Variants in PLCE1 observed in about 807,000 individuals in gnomAD.
The protein encoded by PLCE1 is 1-phosphatidylinositol 4,5-bisphosphate phosphodiesterase epsilon-1.
A neutral mutation model predicts 242.8 loss-of-function variants in PLCE1; 119 were observed. That is an observed-to-expected ratio of 0.49 (90% confidence interval 0.42 to 0.57). The LOEUF is 0.57. PLCE1 is among the 20% of genes least tolerant of loss of function. The pLI, the probability that PLCE1 is intolerant of heterozygous loss-of-function variation, is 0.00. For synonymous variants in PLCE1, 945 were observed against 1,017.4 expected (o/e 0.93, Z 1.35); for missense variants, 2,441 against 2,788.8 (o/e 0.88, Z 2.81).
intron 20 of PLCE1, chr10:94,283,167 T>A (rs1283033515): frequency 6.6e-6 from 1 of 152,482 alleles, no homozygotes; most frequent in Admixed American, 6.5e-5. Context: ...AATATAAGAT[T>A]ATATCTTATG....
At chr10:94,224,432 C>T (rs1256314344) in intron 4 of PLCE1, among the ~76,000 whole-genome samples, 1 of 152,152 alleles carries the variant, frequency 6.6e-6, no homozygotes, top group East Asian at 1.9e-4. Flanking sequence ...TAAGTCAATG[C>T]ATGGTATCAG....
chr10:94,013,615 A>G lies in PLCE1; in HGVS notation c.-364-17068A>G, dbSNP rs559314675. Reference sequence around the variant, plus strand: ...GAGGCCTTGAGAATGGGCAGTAAACACAAGTAGCACATTCTCAGCTCTCAG... The same window carrying G: ...GAGGCCTTGAGAATGGGCAGTAAACGCAAGTAGCACATTCTCAGCTCTCAG... On this transcript the variant is annotated intron_variant, in intron 1 of 32. Coordinates refer to ENST00000371380, the MANE Select transcript of PLCE1 (RefSeq NM_016341.4). 1.7e-4 allele frequency among the ~76,000 whole-genome samples: 26 copies of G among 152,366 alleles called. No individual in the cohort carries two copies. The South Asian group carries it at 5.2e-3, about 30-fold the overall frequency.
chr10:94,069,929 A>G (rs564669494), intron 2 of PLCE1, among the ~76,000 whole-genome samples: 2 of 152,328 alleles, frequency 1.3e-5, no homozygotes, highest in East Asian at 1.9e-4. Flanking sequence ...GTTATTGGAA[A>G]TAAAGTACCA....
chr10:94,195,511 A>G (rs1318006041), intron 4 of PLCE1, among the ~76,000 whole-genome samples: 1 of 151,688 alleles, frequency 6.6e-6, no homozygotes, highest in East Asian at 1.9e-4. Context: ...TTTTTTTTTT[A>G]AGAGGAATGA....
intron 4 of PLCE1, among the ~76,000 whole-genome samples, chr10:94,191,133 T>C (rs1458388989): frequency 2.0e-5 from 3 of 152,054 alleles, no homozygotes; most frequent in Non-Finnish European, 2.9e-5. Flanking sequence ...ATTTTAAAGA[T>C]GATTATCATA....
intron 2 of PLCE1, among the ~76,000 whole-genome samples, chr10:94,111,341 A>G (rs2045948538): frequency 6.6e-6 from 1 of 152,184 alleles, no homozygotes; most frequent in Non-Finnish European, 1.5e-5. Context: ...GCTCACTAGG[A>G]CTGAGACACC....
In PLCE1 at chr10:94,265,985, GT is replaced by G. The variant is rs761186858; in HGVS notation, c.4281+32del. 3 of 1,611,106 alleles carry G rather than the reference GT, an allele frequency of 1.9e-6. No homozygotes were observed. In the South Asian group the frequency reaches 3.3e-5, roughly 18 times the overall value. On this transcript the variant is annotated intron_variant, in intron 16 of 32. Coordinates refer to ENST00000371380, the MANE Select transcript of PLCE1 (RefSeq NM_016341.4). ...TACAGGGAATGCCACTTGGAATGTGGTTTTTATTAAACCTAATTATTTATGT... is the reference window on the plus strand; with the variant it reads ...TACAGGGAATGCCACTTGGAATGTGGTTTTATTAAACCTAATTATTTATGT...
chr10:94,049,301 A>G (rs1158528986), intron 2 of PLCE1, among the ~76,000 whole-genome samples: 3 of 152,130 alleles, frequency 2.0e-5, no homozygotes, highest in African/African-American at 7.2e-5. Context: ...TTTATTTTTG[A>G]CATCGAATTC....
chr10:94,328,197 G>A lies in PLCE1; in HGVS notation c.*254G>A, dbSNP rs138795090. The A allele has an allele frequency of 1.3e-5, 4 of 312,788 alleles. No individual in the cohort carries two copies. The highest frequency in any genetic ancestry group is 6.1e-5 in the South Asian group (2 of 33,004). 19.4% of individuals were successfully genotyped at this position (312,788 alleles called of 1,614,324 possible). On this transcript the variant is annotated 3_prime_UTR_variant, in exon 33 of 33. Transcript: ENST00000371380. ...ATAAATGTCAGCAGTTGGAAAAATC[G>A]TCACGAATTGACTTAGAGCAAGGGT...
rs116529413 is a variant in PLCE1, at chr10:94,135,061, G to A, written c.1492+2602G>A. On this transcript the variant is annotated intron_variant, in intron 3 of 32. Transcript: ENST00000371380. ...CCCATTTGGTTTTCAAAGTCTTTACGTGCCTCAGTTAAACATATTCCTTTA... is the reference window on the plus strand; with the variant it reads ...CCCATTTGGTTTTCAAAGTCTTTACATGCCTCAGTTAAACATATTCCTTTA... Among the ~76,000 whole-genome samples the A allele has an allele frequency of 5.7e-3, 873 of 152,084 alleles. 17 individuals are homozygous for A. The highest frequency in any genetic ancestry group is 0.018 in the African/African-American group (767 of 41,470).
chr10:94,144,050 G>A (rs967867694), intron 3 of PLCE1, among the ~76,000 whole-genome samples: 5 of 152,180 alleles, frequency 3.3e-5, no homozygotes, highest in Non-Finnish European at 7.3e-5. Flanking sequence ...ATGTTGTTGT[G>A]GATGATCTGG....
In PLCE1 at chr10:94,080,799, T is replaced by C. The variant is rs367608432; in HGVS notation, c.1206+48547T>C. Among the ~76,000 whole-genome samples, 142 of 152,354 alleles carry C rather than the reference T, an allele frequency of 9.3e-4. 4 individuals carry two copies. In the South Asian group the frequency reaches 0.029, roughly 32 times the overall value. ...TTTGTTTGCTTGTGTTTATTTATTATGGATATTTCAAGAATACTGGGAAAG... is the reference window on the plus strand; with the variant it reads ...TTTGTTTGCTTGTGTTTATTTATTACGGATATTTCAAGAATACTGGGAAAG... On this transcript the variant is annotated intron_variant, in intron 2 of 32. Transcript: ENST00000371380.
At chr10:94,201,529 G>T (rs1000031117) in intron 4 of PLCE1, among the ~76,000 whole-genome samples, 2 of 152,208 alleles carry the variant, frequency 1.3e-5, no homozygotes, top group African/African-American at 4.8e-5. Context: ...AGGCTGGAGT[G>T]CAGTGGCATG....
At chr10:94,296,864 T>TTTTA (rs1396329371) in intron 23 of PLCE1, among the ~76,000 whole-genome samples, 1 of 152,042 alleles carries the variant, frequency 6.6e-6, no homozygotes, top group Non-Finnish European at 1.5e-5. Context: ...ATTTCTAGCT[T>TTTTA]TTTATTTCTT....
chr10:94,218,518 G>A (rs1318201396), intron 4 of PLCE1, among the ~76,000 whole-genome samples: 2 of 152,090 alleles, frequency 1.3e-5, no homozygotes, highest in East Asian at 3.9e-4. Flanking sequence ...ATAAAATGAA[G>A]ATCATAAATA....
intron 29 of PLCE1, among the ~76,000 whole-genome samples, chr10:94,320,090 G>C (rs1312457950): frequency 6.6e-6 from 1 of 151,720 alleles, no homozygotes; most frequent in Non-Finnish European, 1.5e-5. Flanking sequence ...CTGGTTTGGG[G>C]GACAAAGATT....
At chr10:94,265,613 C>T in intron 14 of PLCE1, 34 bp from the exon 15 acceptor site, 2 of 1,591,382 alleles carry the variant, frequency 1.3e-6, no homozygotes. Flanking sequence ...GTTTCCTTAA[C>T]CTAAATAACA....
chr10:94,290,139 A>T (rs1235152086), intron 22 of PLCE1, among the ~76,000 whole-genome samples: 1 of 151,030 alleles, frequency 6.6e-6, no homozygotes, highest in Non-Finnish European at 1.5e-5. Context: ...TGATCCTCCC[A>T]CCCTAGTCTT....
rs769583065 is a variant in PLCE1, at chr10:94,246,432, G to C, written c.2907G>C (p.Glu969Asp). 1 of 1,614,208 alleles carries C rather than the reference G, an allele frequency of 6.2e-7. No individual in the cohort carries two copies. Among genetic ancestry groups the C allele is most frequent in the Non-Finnish European group, 8.5e-7 (1 of 1,180,016 alleles). Residue 969 changes from glutamate (E) to aspartate (D), a missense_variant, in exon 8 of 33, where the codon GAG becomes GAC. Transcript: ENST00000371380. ...AACTGGGTAGCATGTTCCTGTCAGA[G>C]ACTGGTGTGACATTGCTCTATGGGC... ...QNKLGSMFLSETGVTLLYGLQ... is the reference protein window; with the variant it reads ...QNKLGSMFLSDTGVTLLYGLQ...
Sources: allele counts gnomAD v4.1 joint callset (sites outside exome capture counted in the v4.1 genomes callset), GRCh38; gene constraint gnomAD v4.1.1; transcripts MANE v1.5; gene names NCBI Gene and HGNC (gene_info 2026-07-23, HGNC 2026-07-21).